The following KIF1B variants were observed in gnomAD, a reference collection of about 807,000 sequenced individuals.
KIF1B encodes the protein kinesin family member 1B, also known as kinesin-like protein KIF1B.
In KIF1B, 76 loss-of-function variants were observed where a neutral mutation model predicts 241.9. The ratio of observed to expected loss-of-function variants is 0.31; its 90% CI spans 0.26 to 0.38. The LOEUF (loss-of-function observed/expected upper bound fraction) is 0.38, where lower values mean the gene tolerates loss of function less well. Among genes scored for constraint, KIF1B ranks in the 10% least tolerant of loss-of-function variants. The probability of loss-of-function intolerance (pLI) is 1.00; values close to 1 mark genes in which losing one functional copy is unlikely to be tolerated. For missense variants in KIF1B, 1,622 were observed against 2,271.4 expected, an observed-to-expected ratio of 0.71 and a Z score of 5.81; for synonymous variants, 750 against 796.7, an observed-to-expected ratio of 0.94 and a Z score of 0.99.
At chr1:10,332,457 T>A (rs2102309397) in intron 27 of KIF1B, among the ~76,000 whole-genome samples, 1 of 151,216 alleles carries the variant, frequency 6.6e-6, no homozygotes, top group East Asian at 2.0e-4. Flanking sequence ...CATATGTGTC[T>A]GCTGACCTCA....
intron 12 of KIF1B, among the ~76,000 whole-genome samples, chr1:10,276,942 G>A (rs111587396): frequency 0.053 from 8,035 of 152,120 alleles, 345 homozygotes; most frequent in Middle Eastern, 0.13. Flanking sequence ...TGAGTCGGGC[G>A]TGGTGCCATG....
At chr1:10,287,344 G>A (rs557169950) in intron 15 of KIF1B, among the ~76,000 whole-genome samples, 4 of 152,164 alleles carry the variant, frequency 2.6e-5, no homozygotes, top group South Asian at 2.1e-4. Flanking sequence ...CTACAGGTGC[G>A]TGCCACTGTG....
At chr1:10,261,730 T>A (rs1314618015) in intron 4 of KIF1B, among the ~76,000 whole-genome samples, 175 bp from the exon 5 acceptor site, 30 of 152,240 alleles carry the variant, frequency 2.0e-4, no homozygotes, top group Admixed American at 2.0e-3. Context: ...GAATCATGGT[T>A]ATGCAGCGCA....
chr1:10,232,970 C>G (rs962285614), intron 2 of KIF1B, among the ~76,000 whole-genome samples: 2 of 152,070 alleles, frequency 1.3e-5, no homozygotes, highest in East Asian at 3.8e-4. Context: ...TAAGTTGTTT[C>G]TTTTATACCT....
At chr1:10,360,296 C>A (rs1422044367) in intron 38 of KIF1B, among the ~76,000 whole-genome samples, 5 of 152,138 alleles carry the variant, frequency 3.3e-5, no homozygotes, top group Non-Finnish European at 7.4e-5. Context: ...CAGTTTCTGT[C>A]CATACTCACT....
intron 38 of KIF1B, among the ~76,000 whole-genome samples, chr1:10,358,975 T>G (rs1638339153): frequency 6.6e-6 from 1 of 152,156 alleles, no homozygotes; most frequent in Admixed American, 6.5e-5. Context: ...TGTAGAGAAT[T>G]TTCTTGACCC....
At chr1:10,338,947 C>T (rs1026668734) in intron 31 of KIF1B, among the ~76,000 whole-genome samples, 9 of 152,178 alleles carry the variant, frequency 5.9e-5, no homozygotes, top group African/African-American at 2.2e-4. Flanking sequence ...GTCTGTCCCC[C>T]CAGTTGAAAA....
intron 7 of KIF1B, 58 bp downstream of exon 7, chr1:10,268,321 C>T (rs1648583736): frequency 1.2e-5 from 14 of 1,132,606 alleles, no homozygotes; most frequent in Non-Finnish European, 1.9e-5. Context: ...TTGAGAAGTC[C>T]CTTTTGTTGC....
rs867551510 is a variant in KIF1B, at chr1:10,352,676, C to G, written c.3995C>G (p.Ala1332Gly). The change falls in exon 38 of 49, where the codon GCC becomes GGC. Residue 1332 changes from alanine to glycine, a missense_variant. Coordinates refer to ENST00000676179, the MANE Select transcript of KIF1B (RefSeq NM_001365951.3). ...GAGGTGGATGAAGCTGCAGTTGATGCCATCCTCTCCCTAAATATTATTTCT... is the reference window on the plus strand; with the variant it reads ...GAGGTGGATGAAGCTGCAGTTGATGGCATCCTCTCCCTAAATATTATTTCT... ...KPEVDEAAVD[A>G]ILSLNIISAK... is the part of the protein sequence containing the mutation. 6.2e-7 allele frequency: 1 copy of G among 1,613,932 alleles called. No homozygotes were observed.
rs1161469214 is a variant in KIF1B at position 10,379,955 on chromosome 1, G to A, written c.*3368G>A. ...TTGTTAAACGTGCTGACGGCAAGGG[G>A]CAATGGAGTGAGTTTCCCAACTAAG... On this transcript the variant is annotated 3_prime_UTR_variant, in exon 49 of 49. Coordinates refer to ENST00000676179, the MANE Select transcript of KIF1B (RefSeq NM_001365951.3). 4.4e-6 allele frequency: 1 copy of A among 229,534 alleles called. No homozygotes were observed. The highest frequency in any genetic ancestry group is 2.2e-5 in the African/African-American group (1 of 45,054). 14.2% of individuals were successfully genotyped at this position (229,534 alleles called of 1,614,324 possible). A position where few individuals can be genotyped will look rare whatever the true frequency, so the allele number is the denominator to read the frequency against.
At chr1:10,252,852 T>C (rs1647543307) in intron 2 of KIF1B, among the ~76,000 whole-genome samples, 1 of 151,794 alleles carries the variant, frequency 6.6e-6, no homozygotes, top group Admixed American at 6.6e-5. Context: ...GCCTCCCGAG[T>C]AGCTGGGATT....
At chr1:10,232,122 A>G in intron 1 of KIF1B, 128 bp from the exon 2 acceptor site, 2 of 536,502 alleles carry the variant, frequency 3.7e-6, no homozygotes, top group East Asian at 6.3e-5. Context: ...TGCACGGGAG[A>G]AAAGGGATGA....
intron 19 of KIF1B, 35 bp from the exon 20 acceptor site, chr1:10,296,547 T>C (rs1241365180): frequency 6.5e-7 from 1 of 1,527,740 alleles, no homozygotes; most frequent in Non-Finnish European, 9.1e-7. Flanking sequence ...CAATAGTTTG[T>C]AATGATAACA....
intron 22 of KIF1B, among the ~76,000 whole-genome samples, chr1:10,310,952 C>T (rs1306231130): frequency 1.3e-5 from 2 of 151,508 alleles, no homozygotes; most frequent in Non-Finnish European, 2.9e-5. Flanking sequence ...TTGTTTTCTT[C>T]CTTTGTCTAG....
rs952223862 is a variant in KIF1B, at chr1:10,365,906, A to G, written c.4752+258A>G. On this transcript the variant is annotated intron_variant, in intron 43 of 48. Coordinates refer to ENST00000676179, the MANE Select transcript of KIF1B (RefSeq NM_001365951.3). This position sits in a 1 kb window ranked among gnomAD's most constrained non-coding sequence, Gnocchi z 4.0. ...GAGCCCAGGAGTTAAAGACAAGCCC[A>G]GGCTAACATAGTGAGACCTTGTCTC... Among the ~76,000 whole-genome samples, 3 of 152,190 alleles carry G rather than the reference A, an allele frequency of 2.0e-5. No homozygotes were observed. Among genetic ancestry groups the G allele is most frequent in the Non-Finnish European group, 2.9e-5 (2 of 68,024 alleles).
At chr1:10,289,647 G>A (rs775834320) in intron 15 of KIF1B, among the ~76,000 whole-genome samples, 18 of 152,300 alleles carry the variant, frequency 1.2e-4, no homozygotes, top group South Asian at 6.2e-4. Context: ...ACTTTGGGAG[G>A]CTGAAGCGGG....
chr1:10,321,698 C>A lies in KIF1B; in HGVS notation c.2210-11C>A. 6.2e-7 allele frequency: 1 copy of A among 1,613,606 alleles called. No individual in the cohort carries two copies. ...AGATTGCCATTAAATATGCATCATT[C>A]ATTCTTTCAGTTCCTTGGACACAGC... On this transcript the variant is annotated splice_polypyrimidine_tract_variant and intron_variant, in intron 23 of 48. Transcript: ENST00000676179.
intron 13 of KIF1B, 31 bp downstream of exon 13, chr1:10,278,159 A>G (rs749504361): frequency 1.1e-5 from 18 of 1,607,228 alleles, no homozygotes; most frequent in Non-Finnish European, 1.5e-5. Context: ...TACAAAATCT[A>G]ATCCTTTCTT....
At chr1:10,323,337 T>C (rs1651596027) in intron 24 of KIF1B, among the ~76,000 whole-genome samples, 2 of 152,220 alleles carry the variant, frequency 1.3e-5, no homozygotes, top group Non-Finnish European at 2.9e-5. Flanking sequence ...AATGTATTTA[T>C]AAAGATTTTA....
Sources: allele counts gnomAD v4.1 joint callset (sites outside exome capture counted in the v4.1 genomes callset), GRCh38; gene constraint gnomAD v4.1.1; non-coding constraint Gnocchi (gnomAD v3.1); transcripts MANE v1.5; gene names NCBI Gene and HGNC (gene_info 2026-07-23, HGNC 2026-07-21).